Variants in NRXN3 observed in about 807,000 individuals in gnomAD.
The protein encoded by NRXN3 is neurexin III.
NRXN3 carries 32 observed loss-of-function variants against 137.6 expected under a neutral mutation model. That is an observed-to-expected ratio of 0.23 (90% CI 0.18 to 0.31). NRXN3 has a LOEUF of 0.31. NRXN3 is among the 10% of genes least tolerant of loss of function. NRXN3 has a pLI of 1.00. For missense variants in NRXN3, 1,574 were observed against 2,062.5 expected (o/e 0.76, Z 4.59); for synonymous variants, 798 against 784.5 (o/e 1.02, Z -0.29).
In NRXN3 at chr14:78,306,643, ATAT is replaced by A. The variant is rs2077398653; in HGVS notation, c.757+8786_757+8788del. ...GTATAGGTACAATTTGCACAAGTAC[ATAT>A]TAATAGGCTTATACTGGTGTATTGT... On this transcript the variant is annotated intron_variant, in intron 4 of 20. Coordinates refer to ENST00000335750, the MANE Select transcript of NRXN3 (RefSeq NM_001330195.2). 2.0e-5 allele frequency among the ~76,000 whole-genome samples: 3 copies of A among 152,190 alleles called. No individual in the cohort carries two copies. In the South Asian group the frequency reaches 6.2e-4, roughly 31 times the overall value.
At chr14:79,632,024 A>G (rs1337353060) in intron 16 of NRXN3, among the ~76,000 whole-genome samples, 2 of 152,192 alleles carry the variant, frequency 1.3e-5, no homozygotes, top group Non-Finnish European at 2.9e-5. Flanking sequence ...CTGAGCCAGC[A>G]GCGGCATCCT....
At chr14:79,231,622 C>T (rs1679306487) in intron 15 of NRXN3, among the ~76,000 whole-genome samples, 1 of 152,094 alleles carries the variant, frequency 6.6e-6, no homozygotes, top group Non-Finnish European at 1.5e-5. Flanking sequence ...TAGCTCAGAG[C>T]TGAAAGGTAA....
rs571924371 is a variant in NRXN3, at chr14:79,578,211, GA to G, written c.3445-85564del. On this transcript the variant is annotated intron_variant, in intron 16 of 20. Coordinates refer to ENST00000335750, the MANE Select transcript of NRXN3 (RefSeq NM_001330195.2). ...AGGATACAGATTAAACTCATCCAAG[GA>G]AAGGGACACATGGGGCAAAGTGAGA... Among the ~76,000 whole-genome samples, 30 of 152,302 alleles carry G rather than the reference GA, an allele frequency of 2.0e-4. No homozygotes were observed. In the East Asian group the frequency reaches 4.1e-3, roughly 21 times the overall value.
At chr14:79,635,119 T>C (rs2098393620) in intron 16 of NRXN3, among the ~76,000 whole-genome samples, 2 of 152,202 alleles carry the variant, frequency 1.3e-5, no homozygotes, top group South Asian at 4.1e-4. Flanking sequence ...AGGTGATAGA[T>C]ATGCTAATTG....
chr14:79,466,786 T>C (rs1414635386), intron 15 of NRXN3, among the ~76,000 whole-genome samples: 1 of 152,148 alleles, frequency 6.6e-6, no homozygotes, highest in Non-Finnish European at 1.5e-5. Flanking sequence ...TTTGTAAGGC[T>C]CCTGGCTCCA....
intron 19 of NRXN3, among the ~76,000 whole-genome samples, chr14:79,702,827 A>G (rs561905066): frequency 1.3e-5 from 2 of 151,578 alleles, no homozygotes; most frequent in Non-Finnish European, 2.9e-5. Flanking sequence ...GAAAAGTTCA[A>G]CTCAGTCTAC....
chr14:78,223,883 T>A (rs956295602), intron 1 of NRXN3, among the ~76,000 whole-genome samples: 1 of 152,162 alleles, frequency 6.6e-6, no homozygotes. Flanking sequence ...TATATCTGGA[T>A]AGGATGTGGC....
chr14:79,566,187 C>T (rs2097548965), intron 16 of NRXN3, among the ~76,000 whole-genome samples: 1 of 152,076 alleles, frequency 6.6e-6, no homozygotes, highest in South Asian at 2.1e-4. Flanking sequence ...TATTTAGTTG[C>T]CACCTTAACT....
chr14:78,445,012 A>G (rs902784150), intron 4 of NRXN3, among the ~76,000 whole-genome samples: 1 of 151,578 alleles, frequency 6.6e-6, no homozygotes, highest in African/African-American at 2.4e-5. Context: ...TTGTAAGTTT[A>G]AGTGAGTATA....
At chr14:78,528,331 C>T (rs2096410468) in intron 4 of NRXN3, among the ~76,000 whole-genome samples, 1 of 152,112 alleles carries the variant, frequency 6.6e-6, no homozygotes, top group Non-Finnish European at 1.5e-5. Flanking sequence ...AGTGGAATTC[C>T]CATTTTGTGT....
At position 79,861,801 on chromosome 14, in the gene NRXN3, A is replaced by G. The variant is rs1159964926; in HGVS notation, c.4553A>G (p.Tyr1518Cys). Residue 1518 changes from tyrosine (Y) to cysteine (C), a missense_variant, in exon 21 of 21, where the codon TAC becomes TGC. By Grantham distance (194) the Tyr-to-Cys change is radical (BLOSUM62 -2). Coordinates refer to ENST00000335750, the MANE Select transcript of NRXN3 (RefSeq NM_001330195.2). This position sits in a 1 kb window ranked among gnomAD's most constrained non-coding sequence, Gnocchi z 5.4. Reference protein sequence around the residue: ...LCILILLYAMYKYRNRDEGSY... With the variant: ...LCILILLYAMCKYRNRDEGSY... ...ATCTTGATCCTCCTGTACGCCATGT[A>G]CAAGTACAGGAACAGGGACGAGGGG... 5.0e-6 allele frequency: 8 copies of G among 1,613,988 alleles called. No homozygotes were observed. Among genetic ancestry groups the G allele is most frequent in the Non-Finnish European group, 6.8e-6 (8 of 1,180,038 alleles).
Position 78,522,189 on chromosome 14 carries a change from GCTTTTTTACATATA to G in NRXN3, c.758-122917_758-122904del, listed in dbSNP as rs539224879. Among the ~76,000 whole-genome samples, 15 of 152,252 alleles carry G rather than the reference GCTTTTTTACATATA, an allele frequency of 9.9e-5. 1 individual carries two copies. In the East Asian group the frequency reaches 2.9e-3, roughly 29 times the overall value. ...ATATCTACTATGAGTAAGTTACTAT[GCTTTTTTACATATA>G]CTTTTTTACATATCATTTAATCAAC... On this transcript the variant is annotated intron_variant, in intron 4 of 20. Coordinates refer to ENST00000335750, the MANE Select transcript of NRXN3 (RefSeq NM_001330195.2).
At chr14:78,609,204 G>A (rs1165452757) in intron 4 of NRXN3, among the ~76,000 whole-genome samples, 2 of 151,934 alleles carry the variant, frequency 1.3e-5, no homozygotes, top group African/African-American at 4.8e-5. Context: ...CTATTTACAC[G>A]TGGAAAGATC....
chr14:78,751,525 G>C (rs2098642243), intron 8 of NRXN3, among the ~76,000 whole-genome samples: 2 of 152,060 alleles, frequency 1.3e-5, no homozygotes, highest in East Asian at 3.9e-4. Context: ...TGTACAGCTA[G>C]CGCTAATCTA....
At chr14:78,775,535 C>A (rs765147811) in intron 8 of NRXN3, among the ~76,000 whole-genome samples, 6 of 152,154 alleles carry the variant, frequency 3.9e-5, no homozygotes, top group Non-Finnish European at 8.8e-5. Flanking sequence ...TAAGATAATT[C>A]TTCTTCCGAT....
chr14:78,746,671 A>C (rs2098608881), intron 8 of NRXN3, among the ~76,000 whole-genome samples: 1 of 152,108 alleles, frequency 6.6e-6, no homozygotes, highest in Admixed American at 6.5e-5. Context: ...ACTAAATAGG[A>C]CTTTCTGTAG....
At chr14:78,901,529 A>G (rs947710898) in intron 10 of NRXN3, among the ~76,000 whole-genome samples, 3 of 151,994 alleles carry the variant, frequency 2.0e-5, no homozygotes, top group African/African-American at 7.2e-5. Context: ...TCATTTTGAG[A>G]CTTAATGATA....
chr14:78,544,437 C>A (rs1459083638), intron 4 of NRXN3, among the ~76,000 whole-genome samples: 2 of 152,166 alleles, frequency 1.3e-5, no homozygotes, highest in African/African-American at 4.8e-5. Flanking sequence ...AAACCCCTGC[C>A]TGAGTACTTA....
intron 15 of NRXN3, among the ~76,000 whole-genome samples, chr14:79,168,538 T>C (rs2061490844): frequency 1.3e-5 from 2 of 152,058 alleles, no homozygotes; most frequent in Admixed American, 1.3e-4. Flanking sequence ...CTTTTCTTTT[T>C]CTACCATGAC....
Sources: gnomAD v4.1 joint callset for allele counts (sites outside exome capture counted in the v4.1 genomes callset) on GRCh38, gnomAD v4.1.1 for gene constraint, Gnocchi (gnomAD v3.1) non-coding constraint, MANE v1.5 for transcripts, NCBI Gene and HGNC (gene_info 2026-07-23, HGNC 2026-07-21) for gene names.